Variants in KLF17 observed in about 807,000 individuals in gnomAD.
The protein encoded by KLF17 is Krueppel-like factor 17.
Under a neutral mutation model 34.2 loss-of-function variants are expected in KLF17, and 31 were observed. The observed-to-expected ratio is 0.91, with a 90% CI of 0.68 to 1.22. The LOEUF (loss-of-function observed/expected upper bound fraction) is 1.22, where lower values mean the gene tolerates loss of function less well. KLF17 is among the 50% of genes most tolerant of loss of function. KLF17 has a pLI of 0.00. For synonymous variants in KLF17, 179 were observed against 186.7 expected (o/e 0.96, Z 0.34); for missense variants, 478 against 505.2 (o/e 0.95, Z 0.52).
the KLF17 span, among the ~76,000 whole-genome samples, chr1:44,063,640 C>T: frequency 6.6e-6 from 1 of 152,118 alleles, no homozygotes; most frequent in Non-Finnish European, 1.5e-5. Flanking sequence ...TCTGACTCTG[C>T]TTATGGGGTT....
the KLF17 span, among the ~76,000 whole-genome samples, chr1:44,069,553 T>C: frequency 6.6e-6 from 1 of 151,450 alleles, no homozygotes; most frequent in Non-Finnish European, 1.5e-5. This position sits in a 1 kb window ranked among gnomAD's most constrained non-coding sequence, Gnocchi z 4.7. Context: ...AGCAGATCTC[T>C]AGTAATTCAG....
chr1:44,063,661 T>G, the KLF17 span, among the ~76,000 whole-genome samples: 3 of 152,238 alleles, frequency 2.0e-5, no homozygotes, highest in Admixed American at 6.5e-5. Context: ...TAGACACAGC[T>G]TGAGAATAAT....
At position 44,119,588 on chromosome 1, in the gene KLF17, G is replaced by A. The variant is rs1047497015; in HGVS notation, c.81+600G>A. 4.6e-5 allele frequency among the ~76,000 whole-genome samples: 7 copies of A among 152,150 alleles called. No individual in the cohort carries two copies. In the East Asian group the frequency reaches 1.3e-3, roughly 29 times the overall value. On this transcript the variant is annotated intron_variant, in intron 1 of 3. Transcript: ENST00000372299. ...CATGAAGAAGAAGTCAGGGGCGCGT[G>A]GGAGCAGATACCAGAGGTGTTTGAC...
chr1:44,071,099 C>T, the KLF17 span, among the ~76,000 whole-genome samples: 163 of 152,256 alleles, frequency 1.1e-3, 1 homozygote, highest in African/African-American at 3.8e-3. Flanking sequence ...CCCGAGGTTA[C>T]CAATGAGCAT....
At chr1:44,112,280 G>T in the KLF17 span, among the ~76,000 whole-genome samples, 1 of 152,146 alleles carries the variant, frequency 6.6e-6, no homozygotes, top group Non-Finnish European at 1.5e-5. Context: ...GTCTAAGCCT[G>T]TACCTTCAAA....
At chr1:44,111,328 G>C in the KLF17 span, among the ~76,000 whole-genome samples, 2 of 151,834 alleles carry the variant, frequency 1.3e-5, no homozygotes, top group Non-Finnish European at 2.9e-5. Context: ...TCTCAAATTA[G>C]GTATCTATCA....
the KLF17 span, among the ~76,000 whole-genome samples, chr1:44,044,263 G>T: frequency 6.6e-6 from 1 of 152,244 alleles, no homozygotes; most frequent in African/African-American, 2.4e-5. Flanking sequence ...CCGGACTGTG[G>T]TTGACAGAAA....
At chr1:44,073,936 A>G in the KLF17 span, among the ~76,000 whole-genome samples, 1 of 152,086 alleles carries the variant, frequency 6.6e-6, no homozygotes, top group East Asian at 1.9e-4. Flanking sequence ...CAAAAGTTTC[A>G]TGAGGGAAGA....
the KLF17 span, among the ~76,000 whole-genome samples, chr1:44,100,846 T>G: frequency 6.6e-6 from 1 of 152,178 alleles, no homozygotes; most frequent in Non-Finnish European, 1.5e-5. Context: ...GACAAAAGTA[T>G]AATGACATGT....
Position 44,129,697 on chromosome 1 carries a change from G to A in KLF17, c.426G>A (p.Arg142=), listed in dbSNP as rs201941932. The A allele has an allele frequency of 3.1e-6, 5 of 1,614,118 alleles. No homozygotes were observed. Among genetic ancestry groups the A allele is most frequent in the East Asian group, 4.5e-5 (2 of 44,882 alleles). Residue 142 remains arginine, a synonymous_variant, in exon 2 of 4, where the codon AGG becomes AGA. Coordinates refer to ENST00000372299, the MANE Select transcript of KLF17 (RefSeq NM_173484.4). ...LMPVGEPNIP[R]VARPFGGNLR... is the part of the protein sequence containing the mutation. ...CCGTAGGAGAGCCCAATATTCCAAG[G>A]GTAGCCAGGCCCTTCGGTGGGAATC...
chr1:44,075,138 CACACAT>C, the KLF17 span, among the ~76,000 whole-genome samples: 1 of 151,724 alleles, frequency 6.6e-6, no homozygotes, highest in African/African-American at 2.4e-5. Context: ...CACACACACA[CACACAT>C]ACACGTATAC....
chr1:44,055,334 CCT>C, the KLF17 span, among the ~76,000 whole-genome samples: 19 of 152,278 alleles, frequency 1.2e-4, no homozygotes, highest in Non-Finnish European at 2.2e-4. Context: ...TTTCTCAGGG[CCT>C]CTGTCTTCCT....
the KLF17 span, among the ~76,000 whole-genome samples, chr1:44,047,026 C>CAAAAAA: frequency 4.8e-5 from 4 of 83,522 alleles, no homozygotes; most frequent in Non-Finnish European, 9.2e-5. Context: ...GACTCAGTCT[C>CAAAAAA]AAAAAAAAAA....
At chr1:44,117,556 C>T (rs1407264299), upstream of KLF17, among the ~76,000 whole-genome samples, 6 of 151,132 alleles carry the variant, frequency 4.0e-5, no homozygotes, top group African/African-American at 7.3e-5. Context: ...AGTGCAATGG[C>T]GCGATCTCGA....
chr1:44,096,413 T>TG, the KLF17 span, among the ~76,000 whole-genome samples: 2 of 150,790 alleles, frequency 1.3e-5, no homozygotes, highest in Non-Finnish European at 3.0e-5. Context: ...TCTTTTTTTT[T>TG]TTTGAGAGGG....
chr1:44,106,074 G>C, the KLF17 span, among the ~76,000 whole-genome samples: 4 of 152,020 alleles, frequency 2.6e-5, no homozygotes, highest in African/African-American at 7.3e-5. Flanking sequence ...CATCCTGCCA[G>C]TTTCCTACCC....
the KLF17 span, among the ~76,000 whole-genome samples, chr1:44,110,155 C>T: frequency 0.012 from 1,847 of 152,174 alleles, 26 homozygotes; most frequent in South Asian, 0.037. Flanking sequence ...GATCTACCTG[C>T]CTCAGCCTCC....
the KLF17 span, among the ~76,000 whole-genome samples, chr1:44,046,758 C>T: frequency 2.0e-5 from 3 of 152,114 alleles, no homozygotes; most frequent in East Asian, 1.9e-4. Flanking sequence ...CAGTGGCTCA[C>T]GCCTGTAATC....
chr1:44,064,723 T>C, the KLF17 span, among the ~76,000 whole-genome samples: 17 of 152,354 alleles, frequency 1.1e-4, no homozygotes, highest in African/African-American at 3.6e-4. Flanking sequence ...CCTTCACATA[T>C]AGGTAACCAT....
Sources: allele counts gnomAD v4.1 joint callset (sites outside exome capture counted in the v4.1 genomes callset), GRCh38; gene constraint gnomAD v4.1.1; non-coding constraint Gnocchi (gnomAD v3.1); transcripts MANE v1.5; gene names NCBI Gene and HGNC (gene_info 2026-07-23, HGNC 2026-07-21).